The following RCC1 variants were observed in gnomAD, a reference collection of about 807,000 sequenced individuals.
RCC1 encodes regulator of chromosome condensation.
A neutral mutation model predicts 44.4 loss-of-function variants in RCC1; 11 were observed. The observed-to-expected ratio is 0.25, with a 90% CI of 0.16 to 0.41. The LOEUF is 0.41. Among genes scored for constraint, RCC1 ranks in the 10% least tolerant of loss-of-function variants. The pLI, the probability that RCC1 is intolerant of heterozygous loss-of-function variation, is 1.00. For synonymous variants in RCC1, 213 were observed against 216.5 expected, an observed-to-expected ratio of 0.98 and a Z score of 0.14; for missense variants, 386 against 547.1, an observed-to-expected ratio of 0.71 and a Z score of 2.94.
intron 3 of RCC1, among the ~76,000 whole-genome samples, chr1:28,511,418 TGA>T: frequency 1.5e-5 from 2 of 136,788 alleles, no homozygotes; most frequent in East Asian, 3.9e-4. Context: ...TTTTTTTTTT[TGA>T]GAGGGAGTCT....
chr1:28,514,006 CAAAA>C lies in RCC1; in HGVS notation c.-152-2709_-152-2706del, dbSNP rs879902209. 5.0e-3 allele frequency among the ~76,000 whole-genome samples: 704 copies of C among 141,458 alleles called. 8 individuals carry two copies. The highest frequency in any genetic ancestry group is 0.016 in the African/African-American group (627 of 38,718). 92.8% of individuals were successfully genotyped at this position (141,458 alleles called of 152,430 possible). On this transcript the variant is annotated intron_variant, in intron 3 of 12. Coordinates refer to ENST00000683442, the MANE Select transcript of RCC1 (RefSeq NM_001381865.2). ...TGAAACCCCGCCTCTACTAAAAATACAAAAAAAAAAAAATTAGCCAGGTGTGGTG... is the reference window on the plus strand; with the variant it reads ...TGAAACCCCGCCTCTACTAAAAATACAAAAAAAAATTAGCCAGGTGTGGTG...
rs777296948 is a variant in RCC1 at position 28,537,894 on chromosome 1, G to A, written c.1153G>A (p.Ala385Thr). 1.8e-5 allele frequency: 29 copies of A among 1,613,602 alleles called. No individual in the cohort carries two copies. The highest frequency in any genetic ancestry group is 8.9e-5 in the East Asian group (4 of 44,878). ...YQLGTGQDED[A>T]WSPVEMMGKQ... ...GCTGGGCACAGGGCAGGATGAGGAC[G>A]CCTGGAGCCCTGTGGAGATGATGGG... The change falls in exon 13 of 13, where the codon GCC becomes ACC. Residue 385 changes from alanine (A) to threonine (T), a missense_variant. Physicochemically the swap from Ala to Thr is moderately conservative, Grantham distance 58. Transcript: ENST00000683442.
intron 4 of RCC1, among the ~76,000 whole-genome samples, chr1:28,520,402 C>T (rs1663194468): frequency 6.6e-6 from 1 of 152,258 alleles, no homozygotes; most frequent in East Asian, 1.9e-4. Flanking sequence ...TCTAGACTGG[C>T]GTGCCTACCC....
At chr1:28,516,345 C>T (rs996597421) in intron 3 of RCC1, among the ~76,000 whole-genome samples, 2 of 151,980 alleles carry the variant, frequency 1.3e-5, no homozygotes, top group Admixed American at 1.3e-4. Context: ...AACCCTGTCT[C>T]TACTAAAAAT....
chr1:28,507,533 C>G (rs146544479), intron 1 of RCC1: 5,208 of 516,630 alleles, frequency 0.01, 37 homozygotes, highest in Non-Finnish European at 0.013. Flanking sequence ...AGAGTCCTGT[C>G]GACAATTACT....
chr1:28,506,306 T>G, intron 1 of RCC1: 1 of 436,312 alleles, frequency 2.3e-6, no homozygotes, highest in Non-Finnish European at 4.6e-6. Context: ...TGCCTCAGCC[T>G]CTCCAGCAGC....
At position 28,536,959 on chromosome 1, in the gene RCC1, A is replaced by G. The variant is rs1057283808; in HGVS notation, c.1090+60A>G. 3.8e-6 allele frequency: 6 copies of G among 1,576,474 alleles called. No individual in the cohort carries two copies. Among genetic ancestry groups the G allele is most frequent in the Admixed American group, 1.7e-5 (1 of 58,950 alleles). On this transcript the variant is annotated intron_variant, in intron 12 of 12. Coordinates refer to ENST00000683442, the MANE Select transcript of RCC1 (RefSeq NM_001381865.2). The surrounding 1 kb of genome is among the most constrained non-coding windows in gnomAD (Gnocchi z 4.9). Reference sequence around the variant, plus strand: ...ACCTGGGGGTCATGGTTCTTACCCAATTCCCCAATAGGCTGTGATGTCCAC... The same window carrying G: ...ACCTGGGGGTCATGGTTCTTACCCAGTTCCCCAATAGGCTGTGATGTCCAC...
chr1:28,513,650 C>T (rs1039772724), intron 3 of RCC1, among the ~76,000 whole-genome samples: 5 of 152,048 alleles, frequency 3.3e-5, no homozygotes, highest in Non-Finnish European at 4.4e-5. Context: ...AAGATTATGA[C>T]TCACTGCAGC....
At chr1:28,535,838 T>A in intron 9 of RCC1, 33 bp from the exon 10 acceptor site, 1 of 1,599,260 alleles carries the variant, frequency 6.3e-7, no homozygotes, top group Admixed American at 1.7e-5. Flanking sequence ...TGTGTCTGTC[T>A]GTCACTGACC....
intron 1 of RCC1, chr1:28,506,603 G>A (rs1388036415): frequency 1.1e-5 from 2 of 188,170 alleles, no homozygotes; most frequent in Non-Finnish European, 2.3e-5. Context: ...GGGACCCGCA[G>A]GGCTGCCGCC....
In RCC1 at chr1:28,536,092, C is replaced by A; in HGVS notation, c.817+66C>A. ...GCGTTCCTGTCCTGGCTCTGCCACT[C>A]ATTCATTGTGCATCCTTTGCGGGGT... On this transcript the variant is annotated intron_variant, in intron 10 of 12. Coordinates refer to ENST00000683442, the MANE Select transcript of RCC1 (RefSeq NM_001381865.2). This position sits in a 1 kb window ranked among gnomAD's most constrained non-coding sequence, Gnocchi z 4.9. 6.4e-7 allele frequency: 1 copy of A among 1,553,426 alleles called. No individual in the cohort carries two copies. Among genetic ancestry groups the A allele is most frequent in the Non-Finnish European group, 8.7e-7 (1 of 1,148,198 alleles).
Position 28,536,471 on chromosome 1 carries a change from C to T in RCC1, c.937+90C>T, listed in dbSNP as rs1664563177. The T allele has an allele frequency of 6.7e-7, 1 of 1,493,944 alleles. No homozygotes were observed. Among genetic ancestry groups the T allele is most frequent in the East Asian group, 2.3e-5 (1 of 44,348 alleles). The allele number at this position is 1,493,944 out of a possible 1,614,324, so 92.5% of individuals were successfully genotyped here. ...TTCCTGAGACCATGGTCCTTGGAGCCTGGGTCTGTTCCATGGGTTGTACCA... is the reference window on the plus strand; with the variant it reads ...TTCCTGAGACCATGGTCCTTGGAGCTTGGGTCTGTTCCATGGGTTGTACCA... On this transcript the variant is annotated intron_variant, in intron 11 of 12. Coordinates refer to ENST00000683442, the MANE Select transcript of RCC1 (RefSeq NM_001381865.2). The surrounding 1 kb of genome is among the most constrained non-coding windows in gnomAD (Gnocchi z 4.9).
chr1:28,532,804 T>C (rs772630003), intron 7 of RCC1: 2 of 441,622 alleles, frequency 4.5e-6, no homozygotes, highest in Non-Finnish European at 9.1e-6. Context: ...TTTTTGTTGT[T>C]GTTGTTGTTG....
chr1:28,507,787 A>G lies in RCC1; in HGVS notation c.-261-341A>G, dbSNP rs191671714. The G allele has an allele frequency of 6.7e-5, 23 of 342,806 alleles. No individual in the cohort carries two copies. The East Asian group carries it at 1.5e-3, about 22-fold the overall frequency. The allele number at this position is 342,806 out of a possible 1,614,324, so 21.2% of individuals were successfully genotyped here. On this transcript the variant is annotated intron_variant, in intron 1 of 12. Coordinates refer to ENST00000683442, the MANE Select transcript of RCC1 (RefSeq NM_001381865.2). ...ACGCCAGGCTAATTTTTGTATTTTTAGTAAAGACAGGGTTTCACCATGTTG... is the reference window on the plus strand; with the variant it reads ...ACGCCAGGCTAATTTTTGTATTTTTGGTAAAGACAGGGTTTCACCATGTTG...
Position 28,536,691 on chromosome 1 carries a change from C to T in RCC1, c.938-56C>T, listed in dbSNP as rs1664575777. The T allele has an allele frequency of 3.8e-6, 6 of 1,590,322 alleles. No homozygotes were observed. On this transcript the variant is annotated intron_variant, in intron 11 of 12. Transcript: ENST00000683442. This position sits in a 1 kb window ranked among gnomAD's most constrained non-coding sequence, Gnocchi z 4.9. ...AGGTGGACTCACCTAGCCTGCCACCCATTTTGCCTGTAGCACGCCCTCTGC... is the reference window on the plus strand; with the variant it reads ...AGGTGGACTCACCTAGCCTGCCACCTATTTTGCCTGTAGCACGCCCTCTGC...
At chr1:28,533,770 C>CA (rs747565890) in intron 7 of RCC1, among the ~76,000 whole-genome samples, 578 of 31,970 alleles carry the variant, frequency 0.018, 45 homozygotes, top group Middle Eastern at 0.028. Flanking sequence ...AACTCTGTCT[C>CA]AAAAAAAAAA....
chr1:28,535,800 A>G (rs1293493246), intron 9 of RCC1, 71 bp from the exon 10 acceptor site: 2 of 1,534,340 alleles, frequency 1.3e-6, no homozygotes, highest in Non-Finnish European at 1.8e-6. Context: ...ATGGAGGAGA[A>G]TTAAACTCGG....
intron 4 of RCC1, among the ~76,000 whole-genome samples, chr1:28,529,258 A>C (rs1570206573): frequency 7.5e-6 from 1 of 132,586 alleles, no homozygotes; most frequent in African/African-American, 3.0e-5. Context: ...ATCTTGGCTC[A>C]CCACAACCTC....
At chr1:28,506,443 C>T (rs761201143) in intron 1 of RCC1, 6 of 341,390 alleles carry the variant, frequency 1.8e-5, no homozygotes, top group Non-Finnish European at 3.4e-5. Context: ...CCTCGGCCTT[C>T]CAAAGTGCTG....
Sources: allele counts gnomAD v4.1 joint callset (sites outside exome capture counted in the v4.1 genomes callset), GRCh38; gene constraint gnomAD v4.1.1; non-coding constraint Gnocchi (gnomAD v3.1); transcripts MANE v1.5; gene names NCBI Gene and HGNC (gene_info 2026-07-23, HGNC 2026-07-21).